The following PTGER3 variants were observed in gnomAD, a reference collection of about 807,000 sequenced individuals.
The protein encoded by PTGER3 is prostaglandin E2 receptor EP3 subtype.
A neutral mutation model predicts 34.7 loss-of-function variants in PTGER3; 22 were observed. That is an observed-to-expected ratio of 0.63 (90% confidence interval 0.45 to 0.91). The LOEUF (loss-of-function observed/expected upper bound fraction) is 0.91. Among genes scored for constraint, PTGER3 ranks in the 40% least tolerant of loss-of-function variants. The pLI is 0.00. For missense variants in PTGER3, 468 were observed against 519.4 expected (o/e 0.90, Z 0.96); for synonymous variants, 241 against 230.1 (o/e 1.05, Z -0.43).
downstream of PTGER3, among the ~76,000 whole-genome samples, chr1:70,948,691 G>T (rs1650454822): frequency 1.3e-5 from 2 of 152,110 alleles, no homozygotes; most frequent in Admixed American, 1.3e-4. Context: ...ACTTGTACAA[G>T]ATTTTTTTTA....
intron 4 of PTGER3, among the ~76,000 whole-genome samples, chr1:70,855,392 A>G (rs1645779311): frequency 6.6e-6 from 1 of 152,198 alleles, no homozygotes; most frequent in Non-Finnish European, 1.5e-5. Context: ...TTAGAGATCT[A>G]TTGCACAACA....
At chr1:71,011,218 T>A (rs1657413142) in intron 2 of PTGER3, 1 of 985,358 alleles carries the variant, frequency 1.0e-6, no homozygotes, top group Non-Finnish European at 1.2e-6. Flanking sequence ...AATATTTAGA[T>A]AGAGCCACTT....
downstream of PTGER3, among the ~76,000 whole-genome samples, chr1:70,947,871 G>A (rs1308477333): frequency 6.6e-6 from 1 of 152,114 alleles, no homozygotes; most frequent in East Asian, 1.9e-4. Flanking sequence ...ACATATATGT[G>A]CTATGGTTTG....
At chr1:71,024,274 A>C (rs1371236786) in intron 1 of PTGER3, among the ~76,000 whole-genome samples, 1 of 152,170 alleles carries the variant, frequency 6.6e-6, no homozygotes, top group East Asian at 1.9e-4. Context: ...TTTACTTGAA[A>C]AATTCTGACT....
intron 2 of PTGER3, among the ~76,000 whole-genome samples, chr1:70,990,921 TAGTGAAGG>T (rs1402272833): frequency 6.6e-6 from 1 of 152,214 alleles, no homozygotes; most frequent in Non-Finnish European, 1.5e-5. Context: ...GTTTCACAAA[TAGTGAAGG>T]TAACATTTAA....
At chr1:70,928,257 G>C (rs972562999) in intron 4 of PTGER3, among the ~76,000 whole-genome samples, 1 of 150,060 alleles carries the variant, frequency 6.7e-6, no homozygotes, top group African/African-American at 2.4e-5. Context: ...CTACTGCCTT[G>C]TATAGAAATT....
intron 2 of PTGER3, among the ~76,000 whole-genome samples, chr1:70,992,271 T>A (rs1368560307): frequency 6.6e-6 from 1 of 152,246 alleles, no homozygotes; most frequent in Non-Finnish European, 1.5e-5. Context: ...GTTCTAGAGC[T>A]GGCTCTGCCT....
chr1:70,975,302 A>T (rs912655683), intron 2 of PTGER3, among the ~76,000 whole-genome samples: 7 of 152,144 alleles, frequency 4.6e-5, no homozygotes, highest in African/African-American at 1.7e-4. Flanking sequence ...CCATCCCTCA[A>T]CAGTATTCTC....
At chr1:71,028,322 G>A (rs970498325) in intron 1 of PTGER3, among the ~76,000 whole-genome samples, 2 of 152,138 alleles carry the variant, frequency 1.3e-5, no homozygotes, top group Non-Finnish European at 2.9e-5. Context: ...TACCACTTGC[G>A]GGGAACAAGC....
intron 2 of PTGER3, among the ~76,000 whole-genome samples, chr1:70,963,724 C>A (rs759920219): frequency 2.0e-5 from 3 of 152,128 alleles, no homozygotes; most frequent in African/African-American, 4.8e-5. Context: ...GATGGAGGGG[C>A]TACCAGGAAG....
At chr1:70,884,085 T>C (rs111863376) in intron 4 of PTGER3, 1 of 397,330 alleles carries the variant, frequency 2.5e-6, no homozygotes, top group Admixed American at 2.8e-5. Flanking sequence ...AGACTCCATC[T>C]CAAAACAAAC....
At chr1:70,953,641 C>T (rs1651000245) in intron 3 of PTGER3, 3 of 1,404,828 alleles carry the variant, frequency 2.1e-6, no homozygotes, top group Non-Finnish European at 2.9e-6. Flanking sequence ...CCTTCACATT[C>T]TTGATAGGAA....
rs370618982 is a variant in PTGER3, at chr1:71,041,535, CAAGATAT to C, written c.897+5139_897+5145del. Among the ~76,000 whole-genome samples the C allele has an allele frequency of 1.2e-4, 19 of 152,182 alleles. No individual in the cohort carries two copies. In the East Asian group the frequency reaches 3.5e-3, roughly 28 times the overall value. ...AAAATGTTGCCATATACTTAGGGGA[CAAGATAT>C]AAGAGGAACCCCCCCAAAATGAGGC... is the stretch of plus-strand genomic sequence containing the variant. On this transcript the variant is annotated intron_variant, in intron 1 of 3. Coordinates refer to ENST00000306666, the MANE Select transcript of PTGER3 (RefSeq NM_198719.2).
At chr1:70,919,489 C>T (rs796527395) in intron 4 of PTGER3, among the ~76,000 whole-genome samples, 11 of 152,152 alleles carry the variant, frequency 7.2e-5, no homozygotes, top group African/African-American at 2.6e-4. Context: ...AGCATATTTA[C>T]CTAAAGAAAA....
chr1:70,894,455 C>G (rs751971854), intron 4 of PTGER3, among the ~76,000 whole-genome samples: 13 of 151,678 alleles, frequency 8.6e-5, no homozygotes, highest in Non-Finnish European at 1.9e-4. Context: ...GCCTAGTTTT[C>G]TACATGACCT....
intron 4 of PTGER3, among the ~76,000 whole-genome samples, chr1:70,871,284 T>G (rs1267492083): frequency 6.6e-6 from 1 of 152,002 alleles, no homozygotes; most frequent in Admixed American, 6.6e-5. Context: ...GGTGCCACAC[T>G]TCGCAGCAAC....
chr1:70,940,930 T>C (rs1649700630), intron 4 of PTGER3, among the ~76,000 whole-genome samples: 1 of 152,198 alleles, frequency 6.6e-6, no homozygotes, highest in Non-Finnish European at 1.5e-5. Context: ...TAGTAGTAAC[T>C]ATCTTGAGCC....
intron 4 of PTGER3, among the ~76,000 whole-genome samples, chr1:70,859,257 T>A (rs1013935234): frequency 2.0e-5 from 3 of 152,250 alleles, no homozygotes; most frequent in Non-Finnish European, 2.9e-5. Flanking sequence ...ATTTTGAGCA[T>A]TTGCATAACA....
intron 4 of PTGER3, among the ~76,000 whole-genome samples, chr1:70,933,027 T>C (rs1031137827): frequency 6.6e-6 from 1 of 152,138 alleles, no homozygotes; most frequent in Non-Finnish European, 1.5e-5. Flanking sequence ...ATTTTAATAT[T>C]ATATCTATTG....
Sources: allele counts gnomAD v4.1 joint callset (sites outside exome capture counted in the v4.1 genomes callset), GRCh38; gene constraint gnomAD v4.1.1; transcripts MANE v1.5; gene names NCBI Gene and HGNC (gene_info 2026-07-23, HGNC 2026-07-21).